The following CACNA1D variants were observed in gnomAD, a reference collection of about 807,000 sequenced individuals.
The protein encoded by CACNA1D is calcium voltage-gated channel subunit alpha1 D.
Under a neutral mutation model 257.1 loss-of-function variants are expected in CACNA1D, and 55 were observed. The ratio of observed to expected loss-of-function variants is 0.21; its 90% CI spans 0.17 to 0.27. The LOEUF is 0.27. Ranked by LOEUF, CACNA1D falls within the 10% of genes least tolerant of loss-of-function variation. The probability of loss-of-function intolerance (pLI) is 1.00; values close to 1 mark genes in which losing one functional copy is unlikely to be tolerated. For synonymous variants in CACNA1D, 980 were observed against 1,014.9 expected, an observed-to-expected ratio of 0.97 and a Z score of 0.65; for missense variants, 1,876 against 2,784.0, an observed-to-expected ratio of 0.67 and a Z score of 7.34.
At chr3:53,700,960 G>A (rs767500774) in intron 8 of CACNA1D, among the ~76,000 whole-genome samples, 4 of 150,762 alleles carry the variant, frequency 2.7e-5, no homozygotes, top group Admixed American at 6.6e-5. Flanking sequence ...TCAGCCCGCC[G>A]CAACCTCTGT....
chr3:53,631,061 G>C (rs979394030), intron 3 of CACNA1D, among the ~76,000 whole-genome samples: 3 of 152,314 alleles, frequency 2.0e-5, no homozygotes, highest in South Asian at 4.1e-4. Context: ...GCTGCTGACC[G>C]ATCACAGTAG....
intron 43 of CACNA1D, among the ~76,000 whole-genome samples, chr3:53,802,909 C>T (rs1295746719): frequency 3.9e-5 from 6 of 152,160 alleles, no homozygotes; most frequent in East Asian, 1.9e-4. Flanking sequence ...ACATGGTGGA[C>T]ATGTTCTGTG....
At chr3:53,507,978 G>C (rs1382822950) in intron 3 of CACNA1D, among the ~76,000 whole-genome samples, 2 of 49,000 alleles carry the variant, frequency 4.1e-5, no homozygotes, top group East Asian at 1.9e-3. Context: ...CAGCTGGAAA[G>C]GGGGGGCTGA....
At chr3:53,680,149 T>C (rs1380609) in intron 8 of CACNA1D, among the ~76,000 whole-genome samples, 109,785 of 151,978 alleles carry the variant, frequency 0.72, 41,324 homozygotes, top group East Asian at 0.96. Flanking sequence ...GCCGCTGGCT[T>C]ACAGCTACTG....
intron 9 of CACNA1D, among the ~76,000 whole-genome samples, chr3:53,717,225 G>T (rs543198490): frequency 3.4e-4 from 52 of 152,282 alleles, no homozygotes; most frequent in African/African-American, 1.2e-3. Context: ...TTTTACCTCT[G>T]CACCCCGGCA....
At chr3:53,604,344 A>C (rs368303310) in intron 3 of CACNA1D, among the ~76,000 whole-genome samples, 2 of 152,232 alleles carry the variant, frequency 1.3e-5, no homozygotes, top group African/African-American at 4.8e-5. Flanking sequence ...ATGACTGGCC[A>C]GCAGATGGGG....
intron 14 of CACNA1D, among the ~76,000 whole-genome samples, chr3:53,726,332 G>C (rs1230653892): frequency 1.3e-5 from 2 of 152,180 alleles, no homozygotes; most frequent in Non-Finnish European, 2.9e-5. Context: ...GGGCTGGGGT[G>C]TAATCAAAAA....
chr3:53,558,067 T>G (rs2092677700), intron 3 of CACNA1D, among the ~76,000 whole-genome samples: 1 of 152,262 alleles, frequency 6.6e-6, no homozygotes, highest in African/African-American at 2.4e-5. Context: ...ATATGATGTA[T>G]TACACTGATT....
intron 3 of CACNA1D, among the ~76,000 whole-genome samples, chr3:53,546,509 C>G (rs780310526): frequency 6.6e-6 from 1 of 152,168 alleles, no homozygotes; most frequent in Non-Finnish European, 1.5e-5. Context: ...TGGTGACCAA[C>G]TGGTCACAAC....
chr3:53,529,144 G>A (rs1160099892), intron 3 of CACNA1D, among the ~76,000 whole-genome samples: 1 of 152,092 alleles, frequency 6.6e-6, no homozygotes, highest in Non-Finnish European at 1.5e-5. Flanking sequence ...TTAGTTGGAG[G>A]TTCTGCATAG....
chr3:53,806,751 A>T (rs1576737996), intron 45 of CACNA1D, among the ~76,000 whole-genome samples: 1 of 152,158 alleles, frequency 6.6e-6, no homozygotes, highest in East Asian at 1.9e-4. Context: ...GGGGAGTGTG[A>T]CCAGACCCAT....
intron 14 of CACNA1D, among the ~76,000 whole-genome samples, chr3:53,724,982 T>A (rs1576468082): frequency 6.9e-6 from 1 of 145,800 alleles, no homozygotes; most frequent in Admixed American, 7.2e-5. Context: ...TAAAAAAAAA[T>A]TTCTTTCAGA....
intron 30 of CACNA1D, 84 bp from the exon 31 acceptor site, chr3:53,769,888 AT>A: frequency 4.6e-6 from 5 of 1,087,376 alleles, no homozygotes; most frequent in East Asian, 2.4e-5. Context: ...GGAACCACAC[AT>A]TTTTTTAAAG....
chr3:53,507,449 C>T (rs552355930), intron 3 of CACNA1D, among the ~76,000 whole-genome samples: 10 of 148,984 alleles, frequency 6.7e-5, no homozygotes, highest in South Asian at 2.2e-4. Context: ...TGTCTCCCCC[C>T]GCCAAAAAAA....
Position 53,749,054 on chromosome 3 carries a change from G to A in CACNA1D, c.3315-214G>A, listed in dbSNP as rs151262482. The A allele has an allele frequency of 7.5e-5, 52 of 691,716 alleles. No homozygotes were observed. The African/African-American group carries it at 8.2e-4, about 11-fold the overall frequency. The allele number at this position is 691,716 out of a possible 1,614,324, so 42.8% of individuals were successfully genotyped here. A position where few individuals can be genotyped will look rare whatever the true frequency, so the allele number is the denominator to read the frequency against. ...TTTCAGTTCCTCAGAACAGTCCCTCGATGATGATATCCTGGGTGCCCCCTC... is the reference window on the plus strand; with the variant it reads ...TTTCAGTTCCTCAGAACAGTCCCTCAATGATGATATCCTGGGTGCCCCCTC... On this transcript the variant is annotated intron_variant, in intron 26 of 47. Coordinates refer to ENST00000350061, the MANE Select transcript of CACNA1D (RefSeq NM_001128840.3).
intron 3 of CACNA1D, among the ~76,000 whole-genome samples, chr3:53,537,028 C>T (rs2092134660): frequency 6.6e-6 from 1 of 152,196 alleles, no homozygotes; most frequent in Non-Finnish European, 1.5e-5. Context: ...TCTCACTGCT[C>T]AGACTATGCC....
In CACNA1D at chr3:53,665,409, A is replaced by G. The variant is rs1040004716; in HGVS notation, c.767-251A>G. On this transcript the variant is annotated intron_variant, in intron 5 of 47. Transcript: ENST00000350061. Reference sequence around the variant, plus strand: ...ATGCATAAATGAATGATGAACTTTGACATTGGGCAGTCCCCTCCCTAGGCC... The same window carrying G: ...ATGCATAAATGAATGATGAACTTTGGCATTGGGCAGTCCCCTCCCTAGGCC... 1.7e-4 allele frequency among the ~76,000 whole-genome samples: 26 copies of G among 152,292 alleles called. 1 individual carries two copies. Among genetic ancestry groups the G allele is most frequent in the African/African-American group, 5.5e-4 (23 of 41,560 alleles).
intron 3 of CACNA1D, among the ~76,000 whole-genome samples, chr3:53,626,156 G>A (rs183668856): frequency 2.6e-5 from 4 of 152,172 alleles, no homozygotes; most frequent in East Asian, 1.9e-4. Context: ...AGGTGATTCC[G>A]ATTCTGGACT....
chr3:53,730,877 A>G lies in CACNA1D; in HGVS notation c.2337-200A>G, dbSNP rs911590836. On this transcript the variant is annotated intron_variant, in intron 16 of 47. Coordinates refer to ENST00000350061, the MANE Select transcript of CACNA1D (RefSeq NM_001128840.3). The stretch of plus-strand genomic sequence containing the variant: ...GCTCTCAGATGAGAATTTTAATAAG[A>G]TGGTCTGTGTAATGAATCCATCGCA... The G allele has an allele frequency of 6.6e-6, 4 of 608,228 alleles. No homozygotes were observed. In the East Asian group the frequency reaches 8.2e-5, roughly 12 times the overall value. The allele number at this position is 608,228 out of a possible 1,614,324, so 37.7% of individuals were successfully genotyped here.
Sources: gnomAD v4.1 joint callset for allele counts (sites outside exome capture counted in the v4.1 genomes callset) on GRCh38, gnomAD v4.1.1 for gene constraint, MANE v1.5 for transcripts, NCBI Gene and HGNC (gene_info 2026-07-23, HGNC 2026-07-21) for gene names.